The following COG7 variants were observed in gnomAD, a reference collection of about 807,000 sequenced individuals.
The protein encoded by COG7 is component of oligomeric golgi complex 7.
COG7 carries 49 observed loss-of-function variants against 91.5 expected under a neutral mutation model. That is an observed-to-expected ratio of 0.54 (90% CI 0.43 to 0.68). The LOEUF (loss-of-function observed/expected upper bound fraction) is 0.68. Ranked by LOEUF, COG7 falls within the 30% of genes least tolerant of loss-of-function variation. The pLI, the probability that COG7 is intolerant of heterozygous loss-of-function variation, is 0.00. For synonymous variants in COG7, 365 were observed against 388.7 expected (o/e 0.94, Z 0.72); for missense variants, 895 against 961.3 (o/e 0.93, Z 0.91).
rs747078742 is a variant in COG7, at chr16:23,452,877, G to A, written c.118C>T (p.Leu40=). 3 of 1,613,982 alleles carry A rather than the reference G, an allele frequency of 1.9e-6. No homozygotes were observed. Among genetic ancestry groups the A allele is most frequent in the South Asian group, 2.2e-5 (2 of 91,078 alleles). Residue 40 remains leucine, a synonymous_variant, in exon 1 of 17, where the codon CTG becomes TTG. Coordinates refer to ENST00000307149, the MANE Select transcript of COG7 (RefSeq NM_153603.4). ...ATGAACAGCTGCAGCTTCATCACCA[G>A]GGTGGCTGCGTGGCCATCCGCCTTC... is the stretch of plus-strand genomic sequence containing the variant. ...SGKADGHAAT[L]VMKLQLFIQE...
At position 23,433,625 on chromosome 16, in the gene COG7, G is replaced by C; in HGVS notation, c.730C>G (p.Leu244Val). The C allele has an allele frequency of 6.2e-7, 1 of 1,614,044 alleles. No homozygotes were observed. The highest frequency in any genetic ancestry group is 8.5e-7 in the Non-Finnish European group (1 of 1,180,004). ...CCGGTAAGCTGCCGGTCCAGGGATA[G>C]GTCACTTTGACACAGCTCTTGCCAG... ...AAWQELCQSD[L>V]SLDRQLTGLY... is the part of the protein sequence containing the mutation. The change falls in exon 6 of 17, where the codon CTA becomes GTA. Residue 244 changes from leucine (L) to valine (V), a missense_variant. Leu to Val is a conservative substitution (Grantham distance 32). Coordinates refer to ENST00000307149, the MANE Select transcript of COG7 (RefSeq NM_153603.4).
chr16:23,437,595 G>T (rs1462551437), intron 4 of COG7, among the ~76,000 whole-genome samples: 2 of 152,224 alleles, frequency 1.3e-5, no homozygotes, highest in Non-Finnish European at 2.9e-5. Flanking sequence ...GAAGAGCACA[G>T]CGGAGAATAT....
intron 10 of COG7, among the ~76,000 whole-genome samples, chr16:23,411,702 G>C (rs562483601): frequency 2.6e-5 from 4 of 152,116 alleles, no homozygotes; most frequent in Non-Finnish European, 5.9e-5. Flanking sequence ...TCTACCCAAC[G>C]GCCTTGGGTG....
At chr16:23,434,795 G>C in intron 4 of COG7, 77 bp from the exon 5 acceptor site, 2 of 937,800 alleles carry the variant, frequency 2.1e-6, no homozygotes, top group Non-Finnish European at 3.5e-6. Context: ...CCAGGATGAA[G>C]GTGGATATAT....
intron 13 of COG7, among the ~76,000 whole-genome samples, chr16:23,400,407 G>A (rs1437782450): frequency 2.6e-5 from 4 of 152,156 alleles, no homozygotes; most frequent in Non-Finnish European, 4.4e-5. Context: ...GAGCCCAGAT[G>A]GTGACAGGCT....
chr16:23,428,563 C>A (rs1963884941), intron 6 of COG7, among the ~76,000 whole-genome samples: 2 of 152,058 alleles, frequency 1.3e-5, no homozygotes, highest in Non-Finnish European at 2.9e-5. Flanking sequence ...ACACACCCAC[C>A]AGCATGGCTG....
chr16:23,451,806 A>G (rs927930957), intron 1 of COG7, among the ~76,000 whole-genome samples: 1 of 151,956 alleles, frequency 6.6e-6, no homozygotes, highest in Non-Finnish European at 1.5e-5. Context: ...CCACTAAAAC[A>G]ATGTTTTCTA....
chr16:23,447,979 C>A (rs1339467695), intron 1 of COG7, among the ~76,000 whole-genome samples: 12 of 152,130 alleles, frequency 7.9e-5, no homozygotes, highest in Admixed American at 7.9e-4. Context: ...CAATCCAACA[C>A]TGGGTCTTGT....
chr16:23,449,940 T>C (rs1490088109), intron 1 of COG7, among the ~76,000 whole-genome samples: 1 of 151,944 alleles, frequency 6.6e-6, no homozygotes, highest in African/African-American at 2.4e-5. Context: ...ATATCATTAT[T>C]ATTATTATTT....
Position 23,406,069 on chromosome 16 carries a change from C to G in COG7, c.1662+7G>C. 6.2e-7 allele frequency: 1 copy of G among 1,611,522 alleles called. No individual in the cohort carries two copies. Among genetic ancestry groups the G allele is most frequent in the Non-Finnish European group, 8.5e-7 (1 of 1,177,632 alleles). On this transcript the variant is annotated splice_region_variant and intron_variant, in intron 12 of 16. Transcript: ENST00000307149. ...TTTGCAAGAATGCCATTCATTTGGT[C>G]TCATACCTTAAGGGTATAAAGTATT... is the stretch of plus-strand genomic sequence containing the variant.
chr16:23,452,542 T>A (rs182160507), intron 1 of COG7, among the ~76,000 whole-genome samples: 1 of 152,174 alleles, frequency 6.6e-6, no homozygotes, highest in East Asian at 1.9e-4. Flanking sequence ...AGAGAGACCC[T>A]GTTTCAAAAG....
intron 11 of COG7, 135 bp from the exon 12 acceptor site, chr16:23,406,397 G>A: frequency 1.0e-5 from 8 of 776,382 alleles, no homozygotes; most frequent in South Asian, 1.0e-4. Flanking sequence ...AGTTTATAAG[G>A]CAACGAAAGG....
chr16:23,398,492 T>G (rs143921918), intron 13 of COG7, among the ~76,000 whole-genome samples: 4 of 152,274 alleles, frequency 2.6e-5, no homozygotes, highest in South Asian at 4.1e-4. Context: ...GCGGGGCCAC[T>G]GTGTAGAGAG....
chr16:23,393,624 T>G (rs1963236427), intron 14 of COG7: 1 of 458,106 alleles, frequency 2.2e-6, no homozygotes, highest in African/African-American at 2.0e-5. Context: ...AATGAAGTAA[T>G]GGATATCAAA....
At chr16:23,448,480 T>C (rs1376423545) in intron 1 of COG7, among the ~76,000 whole-genome samples, 1 of 152,156 alleles carries the variant, frequency 6.6e-6, no homozygotes, top group Non-Finnish European at 1.5e-5. Flanking sequence ...TAATTTTTTG[T>C]AGAGATAGGG....
chr16:23,448,188 T>C (rs1964212313), intron 1 of COG7, among the ~76,000 whole-genome samples: 1 of 152,144 alleles, frequency 6.6e-6, no homozygotes, highest in East Asian at 1.9e-4. Context: ...CTATGAAGGC[T>C]ACCTACTGCC....
chr16:23,439,304 C>CA lies in COG7; in HGVS notation c.604+3172dup, dbSNP rs904010571. 9.1e-3 allele frequency among the ~76,000 whole-genome samples: 352 copies of CA among 38,820 alleles called. 10 individuals carry two copies. The highest frequency in any genetic ancestry group is 0.011 in the Non-Finnish European group (207 of 19,090). The allele number at this position is 38,820 out of a possible 152,430, so 25.5% of individuals were successfully genotyped here. On this transcript the variant is annotated intron_variant, in intron 4 of 16. Transcript: ENST00000307149. ...GGGCAACAGAGTTAAACTGTGTCTC[C>CA]AAAAAAAAAAAAAAAAAAAAAAAGA...
intron 4 of COG7, among the ~76,000 whole-genome samples, chr16:23,440,149 G>T (rs979547440): frequency 6.6e-6 from 1 of 151,670 alleles, no homozygotes; most frequent in African/African-American, 2.4e-5. Flanking sequence ...TGCACTTTGG[G>T]AGGCCAAGGC....
chr16:23,413,685 C>T (rs1419977754), intron 9 of COG7, 121 bp from the exon 10 acceptor site: 1 of 735,404 alleles, frequency 1.4e-6, no homozygotes, highest in Non-Finnish European at 2.5e-6. Context: ...TTTAGAGGCT[C>T]CCACCGACGA....
Sources: gnomAD v4.1 joint callset for allele counts (sites outside exome capture counted in the v4.1 genomes callset) on GRCh38, gnomAD v4.1.1 for gene constraint, MANE v1.5 for transcripts, NCBI Gene and HGNC (gene_info 2026-07-23, HGNC 2026-07-21) for gene names.